NLRP2: variants seen among roughly 807,000 people sequenced by gnomAD.
NLRP2 encodes NLR family pyrin domain containing 2.
Under a neutral mutation model 97.2 loss-of-function variants are expected in NLRP2, and 107 were observed. That is an observed-to-expected ratio of 1.10 (90% CI 0.94 to 1.29). NLRP2 has a LOEUF of 1.29. Ranked by LOEUF, NLRP2 falls within the 50% of genes most tolerant of loss-of-function variation. The pLI is 0.00. For missense variants in NLRP2, 1,495 were observed against 1,330.3 expected, an observed-to-expected ratio of 1.12 and a Z score of -1.93; for synonymous variants, 663 against 551.5, an observed-to-expected ratio of 1.20 and a Z score of -2.83.
In NLRP2 at chr19:54,982,370, G is replaced by T. The variant is rs1164791111; in HGVS notation, c.672G>T (p.Gln224His). The T allele has an allele frequency of 1.2e-6, 2 of 1,614,010 alleles. No homozygotes were observed. Residue 224 changes from glutamine (Q) to histidine (H), a missense_variant, in exon 6 of 13, where the codon CAG becomes CAT. Gln to His is a conservative substitution (Grantham distance 24, BLOSUM62 0). Coordinates refer to ENST00000448584, the MANE Select transcript of NLRP2 (RefSeq NM_017852.5). Reference protein sequence around the residue: ...PAGLGKTTLAQKLMLDWAEDN... With the variant: ...PAGLGKTTLAHKLMLDWAEDN... ...GCCTTGGGAAAACCACGCTGGCCCA[G>T]AAACTAATGCTAGACTGGGCAGAGG...
chr19:54,997,786 A>G (rs1291003312), intron 12 of NLRP2, among the ~76,000 whole-genome samples: 1 of 150,090 alleles, frequency 6.7e-6, no homozygotes, highest in African/African-American at 2.5e-5. Context: ...TGAGGCAAGA[A>G]CTCACTATGT....
chr19:54,981,509 G>GCCCCCA, intron 4 of NLRP2, 108 bp from the exon 5 acceptor site: 2 of 386,504 alleles, frequency 5.2e-6, no homozygotes, highest in Non-Finnish European at 1.1e-5. Flanking sequence ...CTGATCCCGT[G>GCCCCCA]CCCCCCCTCC....
chr19:54,986,091 C>T, intron 7 of NLRP2, 60 bp from the exon 8 acceptor site: 1 of 1,131,366 alleles, frequency 8.8e-7, no homozygotes, highest in Non-Finnish European at 1.3e-6. Flanking sequence ...CCCTGGTTTC[C>T]ATTTAAGTAC....
intron 2 of NLRP2, among the ~76,000 whole-genome samples, chr19:54,972,954 C>G (rs2070960613): frequency 1.3e-5 from 2 of 151,902 alleles, no homozygotes; most frequent in South Asian, 4.1e-4. Flanking sequence ...TTTGGGAGGC[C>G]AAGGCGGGTG....
At chr19:54,984,329 G>GGTTTTTTTTTTTTTTTTTTTTTTTTTT (rs1329961462) in intron 6 of NLRP2, among the ~76,000 whole-genome samples, 1 of 79,668 alleles carries the variant, frequency 1.3e-5, no homozygotes, top group Non-Finnish European at 2.5e-5. Context: ...TTTTTTTTGT[G>GGTTTTTTTTTTTTTTTTTTTTTTTTTT]TTTTTTTTTT....
At chr19:54,980,558 G>T (rs1202379443) in intron 4 of NLRP2, among the ~76,000 whole-genome samples, 2 of 152,216 alleles carry the variant, frequency 1.3e-5, no homozygotes, top group Non-Finnish European at 2.9e-5. Context: ...GAGAAAGTAG[G>T]AAAAGACATT....
chr19:54,992,556 CTTT>C (rs71181721), intron 10 of NLRP2, among the ~76,000 whole-genome samples: 122 of 82,536 alleles, frequency 1.5e-3, no homozygotes, highest in African/African-American at 5.5e-3. Flanking sequence ...GGGGGGTTTT[CTTT>C]TTTTTTTTTT....
rs1480298627 is a variant in NLRP2, at chr19:54,983,467, T to A, written c.1769T>A (p.Ile590Lys). ...AAACAGGAATTGCTGCGATGCGACA[T>A]AAGTTGTAAGGGTGGACATTCAACG... Reference protein sequence around the residue: ...DIKQELLRCDISCKGGHSTVT... With the variant: ...DIKQELLRCDKSCKGGHSTVT... The change falls in exon 6 of 13, where the codon ATA becomes AAA. Residue 590 changes from isoleucine to lysine, a missense_variant. Ile to Lys is a moderately radical substitution (Grantham distance 102). Coordinates refer to ENST00000448584, the MANE Select transcript of NLRP2 (RefSeq NM_017852.5). The A allele has an allele frequency of 3.7e-6, 6 of 1,613,964 alleles. No homozygotes were observed. The highest frequency in any genetic ancestry group is 5.1e-6 in the Non-Finnish European group (6 of 1,180,038).
intron 12 of NLRP2, among the ~76,000 whole-genome samples, chr19:54,999,611 A>G (rs187832392): frequency 5.3e-4 from 80 of 152,246 alleles, no homozygotes; most frequent in African/African-American, 1.8e-3. Flanking sequence ...CACAATGGCT[A>G]TATACCATTA....
Position 54,986,140 on chromosome 19 carries a change from CT to C in NLRP2, c.2202-7del, listed in dbSNP as rs760640250. 6.2e-7 allele frequency: 1 copy of C among 1,607,026 alleles called. No homozygotes were observed. Among genetic ancestry groups the C allele is most frequent in the South Asian group, 1.1e-5 (1 of 90,966 alleles). On this transcript the variant is annotated splice_polypyrimidine_tract_variant and intron_variant, in intron 7 of 12. Transcript: ENST00000448584. ...ACACTAAAGATTTCACTTTCGTTCT[CT>C]TTTCCCTAGGTTCAAAAACATTTCC...
rs193245389 is a variant in NLRP2, at chr19:54,973,041, A to G, written c.281-1459A>G. Among the ~76,000 whole-genome samples, 376 of 152,118 alleles carry G rather than the reference A, an allele frequency of 2.5e-3. 3 individuals are homozygous for G. Among genetic ancestry groups the G allele is most frequent in the Non-Finnish European group, 4.6e-3 (310 of 67,994 alleles). On this transcript the variant is annotated intron_variant, in intron 2 of 12. Coordinates refer to ENST00000448584, the MANE Select transcript of NLRP2 (RefSeq NM_017852.5). Reference sequence around the variant, plus strand: ...CTGTCTCTACTAAAAATATAAAAAAATCAGCCGGGCGTGGTGGCACACTCC... The same window carrying G: ...CTGTCTCTACTAAAAATATAAAAAAGTCAGCCGGGCGTGGTGGCACACTCC...
In NLRP2 at chr19:54,984,329, G is replaced by GTGTGTTTTTTTTTTTTTTTTTTTTT; in HGVS notation, c.2030+602_2030+603insGTGTTTTTTTTTTTTTTTTTTTTTT. ...AACTTAAGTGGGGGTTTTTTTTTGT[G>GTGTGTTTTTTTTTTTTTTTTTTTTT]TTTTTTTTTTTTTTTTTTTTTTTGG... On this transcript the variant is annotated intron_variant, in intron 6 of 12. Coordinates refer to ENST00000448584, the MANE Select transcript of NLRP2 (RefSeq NM_017852.5). 1.1e-3 allele frequency among the ~76,000 whole-genome samples: 91 copies of GTGTGTTTTTTTTTTTTTTTTTTTTT among 79,666 alleles called. 5 individuals carry two copies. The highest frequency in any genetic ancestry group is 1.9e-3 in the Non-Finnish European group (74 of 39,958). 52.3% of individuals were successfully genotyped at this position (79,666 alleles called of 152,430 possible).
At position 55,000,904 on chromosome 19, in the gene NLRP2, C is replaced by T; in HGVS notation, c.*6C>T. ...CTCATGACTTCATGATCTGAATCCCCCCGAGTCATTCATTCTCCATGAAGT... is the reference window on the plus strand; with the variant it reads ...CTCATGACTTCATGATCTGAATCCCTCCGAGTCATTCATTCTCCATGAAGT... On this transcript the variant is annotated 3_prime_UTR_variant, in exon 13 of 13. Coordinates refer to ENST00000448584, the MANE Select transcript of NLRP2 (RefSeq NM_017852.5). The T allele has an allele frequency of 6.2e-7, 1 of 1,613,466 alleles. No homozygotes were observed. The highest frequency in any genetic ancestry group is 1.1e-5 in the South Asian group (1 of 91,064).
chr19:54,984,329 G>GTGTGTTGTTTTTTTTTTTTTTTTTTTT lies in NLRP2; in HGVS notation c.2030+602_2030+603insGTGTTGTTTTTTTTTTTTTTTTTTTTT. 2.9e-4 allele frequency among the ~76,000 whole-genome samples: 23 copies of GTGTGTTGTTTTTTTTTTTTTTTTTTTT among 79,676 alleles called. 1 individual carries two copies. The highest frequency in any genetic ancestry group is 5.5e-4 in the Non-Finnish European group (22 of 39,966). The allele number at this position is 79,676 out of a possible 152,430, so 52.3% of individuals were successfully genotyped here. Reference sequence around the variant, plus strand: ...AACTTAAGTGGGGGTTTTTTTTTGTGTTTTTTTTTTTTTTTTTTTTTTTGG... The same window carrying GTGTGTTGTTTTTTTTTTTTTTTTTTTT: ...AACTTAAGTGGGGGTTTTTTTTTGTGTGTGTTGTTTTTTTTTTTTTTTTTTTTTTTTTTTTTTTTTTTTTTTTTTTGG... On this transcript the variant is annotated intron_variant, in intron 6 of 12. Transcript: ENST00000448584.
chr19:54,974,539 C>G lies in NLRP2; in HGVS notation c.320C>G (p.Ser107Ter). ...TCCTTTAATAAAAGGAAGCCTCTAT[C>G]ATTAGGTAAGTTACCTCATTTATAA... ...LKSFNKRKPL[S>*]LGITRKERPP... Residue 107 changes from serine (S) to a stop codon, truncating the protein, a stop_gained, in exon 3 of 13, where the codon TCA becomes TGA. Transcript: ENST00000448584. LOFTEE classifies it high-confidence loss of function. 6.3e-7 allele frequency: 1 copy of G among 1,597,880 alleles called. No homozygotes were observed. Among genetic ancestry groups the G allele is most frequent in the East Asian group, 2.2e-5 (1 of 44,722 alleles).
chr19:54,999,151 C>A (rs543165235), intron 12 of NLRP2, among the ~76,000 whole-genome samples: 3 of 152,252 alleles, frequency 2.0e-5, no homozygotes, highest in African/African-American at 2.4e-5. Flanking sequence ...GGCTGACCCC[C>A]CCACCTCCCC....
intron 4 of NLRP2, 131 bp downstream of exon 4, chr19:54,977,954 C>G: frequency 1.2e-6 from 1 of 852,608 alleles, no homozygotes; most frequent in South Asian, 1.4e-5. Context: ...TGCCCACTGT[C>G]TCCTGGAGAA....
rs118108760 is a variant in NLRP2, at chr19:54,972,267, C to G, written c.280+1972C>G. Among the ~76,000 whole-genome samples the G allele has an allele frequency of 1.6e-4, 25 of 151,998 alleles. 1 individual carries two copies. The highest frequency in any genetic ancestry group is 7.2e-4 in the Admixed American group (11 of 15,218). On this transcript the variant is annotated intron_variant, in intron 2 of 12. Coordinates refer to ENST00000448584, the MANE Select transcript of NLRP2 (RefSeq NM_017852.5). Reference sequence around the variant, plus strand: ...CACAATCTCAGCTTATTGCAACTCCCGCCCCCTGGGTTCAAGTGTTTCTCC... The same window carrying G: ...CACAATCTCAGCTTATTGCAACTCCGGCCCCCTGGGTTCAAGTGTTTCTCC...
In NLRP2 at chr19:54,974,558, T is replaced by C. The variant is rs1367852712; in HGVS notation, c.325+14T>C. 10 of 1,515,948 alleles carry C rather than the reference T, an allele frequency of 6.6e-6. No individual in the cohort carries two copies. The highest frequency in any genetic ancestry group is 2.3e-5 in the East Asian group (1 of 44,310). 93.9% of individuals were successfully genotyped at this position (1,515,948 alleles called of 1,614,324 possible). On this transcript the variant is annotated intron_variant, in intron 3 of 12. Coordinates refer to ENST00000448584, the MANE Select transcript of NLRP2 (RefSeq NM_017852.5). ...CTCTATCATTAGGTAAGTTACCTCA[T>C]TTATAACTTTTATTCTTCATGTGAG... is the stretch of plus-strand genomic sequence containing the variant.
Sources: gnomAD v4.1 joint callset for allele counts (sites outside exome capture counted in the v4.1 genomes callset) on GRCh38, gnomAD v4.1.1 for gene constraint, MANE v1.5 for transcripts, NCBI Gene and HGNC (gene_info 2026-07-23, HGNC 2026-07-21) for gene names.